The following HMGB1 variants were observed in gnomAD, a reference collection of about 807,000 sequenced individuals.
HMGB1 encodes high mobility group box 1.
For synonymous variants in HMGB1, 81 were observed against 84.0 expected (o/e 0.96, Z 0.19); for missense variants, 79 against 253.5 (o/e 0.31, Z 4.67).
chr13:30,591,552 C>A lies in HMGB1; in HGVS notation c.-15+25119G>T, dbSNP rs537776580. 6.0e-5 allele frequency among the ~76,000 whole-genome samples: 9 copies of A among 150,872 alleles called. No individual in the cohort carries two copies. The South Asian group carries it at 1.0e-3, about 17-fold the overall frequency. On this transcript the variant is annotated intron_variant, in intron 1 of 4. Transcript: ENST00000405805. The stretch of plus-strand genomic sequence containing the variant: ...TTTGAACAGGGTCTTGCTCTGTCAG[C>A]CAGGCTGGAGTGCAGTGGCACAATC...
Position 30,616,555 on chromosome 13 carries a change from A to G in HMGB1, c.-15+116T>C, listed in dbSNP as rs1026107977. 2.0e-5 allele frequency: 3 copies of G among 152,348 alleles called. No homozygotes were observed. The East Asian group carries it at 5.8e-4, about 29-fold the overall frequency. The allele number at this position is 152,348 out of a possible 1,614,324, so 9.4% of individuals were successfully genotyped here. ...TTTGTCTATTTCAGGAGGAAGTACT[A>G]CTTTCTCCAATTTTAATCACAATTC... is the stretch of plus-strand genomic sequence containing the variant. On this transcript the variant is annotated intron_variant, in intron 1 of 4. Transcript: ENST00000405805.
chr13:30,586,867 T>C (rs1408407465), intron 1 of HMGB1, among the ~76,000 whole-genome samples: 1 of 152,134 alleles, frequency 6.6e-6, no homozygotes, highest in South Asian at 2.1e-4. Context: ...ACCTCGTGAC[T>C]TTCCCTCCCA....
rs1886165906 is a variant in HMGB1 at position 30,459,443 on chromosome 13, T to C, written c.*1914A>G. Reference sequence around the variant, plus strand: ...TTTAAATGGATCAGAATTATTAATGTTGGTGATTAATGGTGATTTCTATAC... The same window carrying C: ...TTTAAATGGATCAGAATTATTAATGCTGGTGATTAATGGTGATTTCTATAC... On this transcript the variant is annotated 3_prime_UTR_variant, in exon 5 of 5. Coordinates refer to ENST00000341423, the MANE Select transcript of HMGB1 (RefSeq NM_002128.7). 6.6e-6 allele frequency: 1 copy of C among 152,184 alleles called. No individual in the cohort carries two copies. Among genetic ancestry groups the C allele is most frequent in the East Asian group, 1.9e-4 (1 of 5,204 alleles). The allele number at this position is 152,184 out of a possible 1,614,324, so 9.4% of individuals were successfully genotyped here.
chr13:30,463,251 C>T lies in HMGB1; in HGVS notation c.252G>A (p.Glu84=). ...EMKTYIPPKG[E]TKKKFKDPNA... is the part of the protein sequence containing the mutation. ...TGGGATCCTTGAACTTCTTTTTTGTCTCCCCTTTGGGAGGGATATAGGTTT... is the reference window on the plus strand; with the variant it reads ...TGGGATCCTTGAACTTCTTTTTTGTTTCCCCTTTGGGAGGGATATAGGTTT... Residue 84 remains glutamate (E), a synonymous_variant, in exon 3 of 5, where the codon GAG becomes GAA. Transcript: ENST00000341423. 2.5e-6 allele frequency: 4 copies of T among 1,602,954 alleles called. No homozygotes were observed. The highest frequency in any genetic ancestry group is 3.4e-6 in the Non-Finnish European group (4 of 1,178,038).
At chr13:30,601,359 C>T (rs1049280662) in intron 1 of HMGB1, among the ~76,000 whole-genome samples, 61 of 152,200 alleles carry the variant, frequency 4.0e-4, no homozygotes, top group Non-Finnish European at 1.3e-4. Flanking sequence ...CACATGGACA[C>T]GCATGAAAGA....
At chr13:30,604,576 CTG>C (rs1950436103) in intron 1 of HMGB1, among the ~76,000 whole-genome samples, 1 of 152,210 alleles carries the variant, frequency 6.6e-6, no homozygotes, top group Non-Finnish European at 1.5e-5. Context: ...CTGAGAAACT[CTG>C]TTATAATCTG....
intron 2 of HMGB1, 60 bp downstream of exon 2, chr13:30,463,471 G>A: frequency 6.5e-7 from 1 of 1,543,066 alleles, no homozygotes; most frequent in Non-Finnish European, 8.8e-7. Context: ...GCTTTTTTTT[G>A]CATCCTCAAT....
chr13:30,486,360 G>C (rs576103301), intron 1 of HMGB1, among the ~76,000 whole-genome samples: 1 of 152,280 alleles, frequency 6.6e-6, no homozygotes, highest in East Asian at 1.9e-4. Context: ...GTCAATTCTA[G>C]CCACTCTAGG....
At chr13:30,586,269 C>T (rs1276031632) in intron 1 of HMGB1, among the ~76,000 whole-genome samples, 3 of 152,058 alleles carry the variant, frequency 2.0e-5, no homozygotes, top group African/African-American at 7.2e-5. Flanking sequence ...GAAACACTCT[C>T]AACTTTTAAG....
intron 1 of HMGB1, among the ~76,000 whole-genome samples, chr13:30,497,395 T>A (rs1460382148): frequency 6.6e-6 from 1 of 151,792 alleles, no homozygotes; most frequent in Non-Finnish European, 1.5e-5. Flanking sequence ...CCCAGCTAAT[T>A]TCTTTTTGTA....
chr13:30,586,634 G>A (rs1191869629), intron 1 of HMGB1, among the ~76,000 whole-genome samples: 5 of 151,788 alleles, frequency 3.3e-5, no homozygotes, highest in Non-Finnish European at 2.9e-5. Flanking sequence ...TTACAGGTGT[G>A]TGCCACCATA....
In HMGB1 at chr13:30,462,455, A is replaced by G. The variant is rs761493027; in HGVS notation, c.471+83T>C. On this transcript the variant is annotated intron_variant, in intron 4 of 4. Transcript: ENST00000341423. ...ATACTTAATGTAGCTGTTACCCTAA[A>G]AACTTATTACACCTCAAACTAAGTA... The G allele has an allele frequency of 3.6e-6, 4 of 1,125,554 alleles. No individual in the cohort carries two copies. In the East Asian group the frequency reaches 9.4e-5, roughly 26 times the overall value. 69.7% of individuals were successfully genotyped at this position (1,125,554 alleles called of 1,614,324 possible). A position where few individuals can be genotyped will look rare whatever the true frequency, so the allele number is the denominator to read the frequency against.
intron 1 of HMGB1, among the ~76,000 whole-genome samples, chr13:30,604,005 T>C (rs1950429084): frequency 6.6e-6 from 1 of 152,176 alleles, no homozygotes; most frequent in African/African-American, 2.4e-5. Flanking sequence ...ATTATACTTC[T>C]CATCTTACCA....
upstream of HMGB1, among the ~76,000 whole-genome samples, chr13:30,466,358 T>A (rs1219812428): frequency 6.6e-6 from 1 of 151,234 alleles, no homozygotes; most frequent in East Asian, 2.0e-4. Context: ...CCCCAGGCTT[T>A]TAATGGCCCT....
chr13:30,592,871 T>TAAAAA (rs376893348), intron 1 of HMGB1, among the ~76,000 whole-genome samples: 193 of 139,224 alleles, frequency 1.4e-3, no homozygotes, highest in African/African-American at 4.8e-3. Context: ...TGCTTTTTTT[T>TAAAAA]AAAAAAAAAA....
At chr13:30,505,612 ATTTT>A (rs1566009067) in intron 1 of HMGB1, among the ~76,000 whole-genome samples, 1 of 149,082 alleles carries the variant, frequency 6.7e-6, no homozygotes, top group African/African-American at 2.6e-5. Context: ...TGCCCGACCT[ATTTT>A]TCAACTTCTT....
chr13:30,530,115 T>C (rs1346389983), intron 1 of HMGB1, among the ~76,000 whole-genome samples: 1 of 152,166 alleles, frequency 6.6e-6, no homozygotes, highest in Non-Finnish European at 1.5e-5. Flanking sequence ...TAATACACAA[T>C]ACAGTTGAGC....
At chr13:30,554,588 A>G in intron 1 of HMGB1, 1 of 771,954 alleles carries the variant, frequency 1.3e-6, no homozygotes, top group Non-Finnish European at 2.4e-6. Context: ...TTCACCGAAC[A>G]AAATAATGAC....
At chr13:30,562,694 T>G (rs975039545) in intron 1 of HMGB1, among the ~76,000 whole-genome samples, 1 of 152,104 alleles carries the variant, frequency 6.6e-6, no homozygotes. Context: ...AAGACTTCAT[T>G]CTTAGAGACA....
Sources: gnomAD v4.1 joint callset for allele counts (sites outside exome capture counted in the v4.1 genomes callset) on GRCh38, gnomAD v4.1.1 for gene constraint, MANE v1.5 for transcripts, NCBI Gene and HGNC (gene_info 2026-07-23, HGNC 2026-07-21) for gene names.